KIAA1614: variants seen among roughly 807,000 people sequenced by gnomAD.
KIAA1614 encodes the protein uncharacterized protein KIAA1614.
Under a neutral mutation model 88.7 loss-of-function variants are expected in KIAA1614, and 76 were observed. The observed-to-expected ratio is 0.86, with a 90% CI of 0.71 to 1.04. The LOEUF (loss-of-function observed/expected upper bound fraction) is 1.04. KIAA1614 is among the 50% of genes least tolerant of loss of function. The pLI is 0.00. For missense variants in KIAA1614, 1,553 were observed against 1,582.5 expected (o/e 0.98, Z 0.32); for synonymous variants, 714 against 675.5 (o/e 1.06, Z -0.88).
Position 180,916,951 on chromosome 1 carries a change from C to T in KIAA1614, c.848C>T (p.Ala283Val). Reference sequence around the variant, plus strand: ...CGCTGGAGAGCTGGAGACCTGGAGGCTCTGGGCGCTGGGAGCAGTGTCTTG... The same window carrying T: ...CGCTGGAGAGCTGGAGACCTGGAGGTTCTGGGCGCTGGGAGCAGTGTCTTG... Reference protein sequence around the residue: ...GERWRAGDLEALGAGSSVLSL... With the variant: ...GERWRAGDLEVLGAGSSVLSL... The change falls in exon 2 of 9, where the codon GCT becomes GTT. Residue 283 changes from alanine (A) to valine (V), a missense_variant. Physicochemically the swap from Ala to Val is moderately conservative, Grantham distance 64. Coordinates refer to ENST00000367588, the MANE Select transcript of KIAA1614 (RefSeq NM_020950.2). The T allele has an allele frequency of 6.2e-7, 1 of 1,614,230 alleles. No individual in the cohort carries two copies. The highest frequency in any genetic ancestry group is 8.5e-7 in the Non-Finnish European group (1 of 1,180,048).
chr1:180,935,044 G>A lies in KIAA1614; in HGVS notation c.1206-71G>A, dbSNP rs187823876. The A allele has an allele frequency of 3.4e-5, 38 of 1,115,312 alleles. No individual in the cohort carries two copies. The African/African-American group carries it at 4.9e-4, about 14-fold the overall frequency. The allele number at this position is 1,115,312 out of a possible 1,614,324, so 69.1% of individuals were successfully genotyped here. A position where few individuals can be genotyped will look rare whatever the true frequency, so the allele number is the denominator to read the frequency against. On this transcript the variant is annotated intron_variant, in intron 4 of 8. Transcript: ENST00000367588. The surrounding 1 kb of genome is among the most constrained non-coding windows in gnomAD (Gnocchi z 6.1). ...GAGACTGTAGCCCAGGGTGGAGAGG[G>A]TAGGGCCGATGCGTGTCCATACCTC... is the stretch of plus-strand genomic sequence containing the variant.
chr1:180,923,026 A>C (rs542528778), intron 3 of KIAA1614, among the ~76,000 whole-genome samples: 2 of 152,284 alleles, frequency 1.3e-5, no homozygotes, highest in East Asian at 3.9e-4. Context: ...GCATTTACCC[A>C]TTTCTTATGA....
chr1:180,925,864 C>A (rs1328592615), intron 3 of KIAA1614, among the ~76,000 whole-genome samples: 1 of 139,428 alleles, frequency 7.2e-6, no homozygotes, highest in Non-Finnish European at 1.7e-5. Flanking sequence ...GGTGGGAACT[C>A]CCCCAAGGGG....
At chr1:180,926,329 G>T (rs1558066921) in intron 3 of KIAA1614, among the ~76,000 whole-genome samples, 1 of 152,152 alleles carries the variant, frequency 6.6e-6, no homozygotes, top group Non-Finnish European at 1.5e-5. Flanking sequence ...CGTTGACCTT[G>T]GCTGCAGTCT....
intron 6 of KIAA1614, 39 bp from the exon 7 acceptor site, chr1:180,941,006 G>GGGGGGGC: frequency 2.2e-6 from 2 of 908,444 alleles, no homozygotes; most frequent in Non-Finnish European, 3.1e-6. Flanking sequence ...CACCCTCCCG[G>GGGGGGGC]CCCTCCCCCG....
At chr1:180,920,756 T>A (rs968969614) in intron 3 of KIAA1614, among the ~76,000 whole-genome samples, 2 of 151,944 alleles carry the variant, frequency 1.3e-5, no homozygotes, top group African/African-American at 4.8e-5. Context: ...TGTGGGGCAG[T>A]CACCAGGAGT....
Position 180,949,460 on chromosome 1 carries a change from G to A in KIAA1614, c.*3872G>A, listed in dbSNP as rs1267531057. On this transcript the variant is annotated 3_prime_UTR_variant, in exon 9 of 9. Transcript: ENST00000367588. ...CAGCCGCGGTTGAGGCCGGCGGGCG[G>A]GGGTTGGGGGCAGGGGGCCTCCTCA... 1 of 152,394 alleles carries A rather than the reference G, an allele frequency of 6.6e-6. No individual in the cohort carries two copies. Among genetic ancestry groups the A allele is most frequent in the East Asian group, 1.9e-4 (1 of 5,202 alleles). 9.4% of individuals were successfully genotyped at this position (152,394 alleles called of 1,614,324 possible).
chr1:180,940,138 A>G (rs1654423678), intron 6 of KIAA1614, among the ~76,000 whole-genome samples: 1 of 152,168 alleles, frequency 6.6e-6, no homozygotes, highest in African/African-American at 2.4e-5. Flanking sequence ...GAGAGTAGGC[A>G]CCTTGTTTGT....
intron 2 of KIAA1614, 77 bp from the exon 3 acceptor site, chr1:180,917,774 C>T: frequency 1.7e-6 from 2 of 1,182,686 alleles, no homozygotes; most frequent in South Asian, 1.2e-5. Context: ...AACTCTTCTC[C>T]TCAGTGTTCA....
intron 8 of KIAA1614, 23 bp from the exon 9 acceptor site, chr1:180,945,280 C>G: frequency 6.4e-7 from 1 of 1,568,066 alleles, no homozygotes. Context: ...TTTGCCCTCA[C>G]TGTGTCTCTG....
intron 3 of KIAA1614, among the ~76,000 whole-genome samples, chr1:180,919,870 A>G (rs1558064703): frequency 6.6e-6 from 1 of 152,126 alleles, no homozygotes; most frequent in African/African-American, 2.4e-5. Context: ...TGCATTTCAG[A>G]GTTCAGGCAG....
intron 3 of KIAA1614, among the ~76,000 whole-genome samples, chr1:180,926,723 G>C (rs1388494162): frequency 2.0e-5 from 3 of 152,226 alleles, no homozygotes; most frequent in Non-Finnish European, 4.4e-5. Context: ...GGCTGCAGGG[G>C]CGCCTCTCCG....
Position 180,928,592 on chromosome 1 carries a change from A to C in KIAA1614, c.1205+19A>C. On this transcript the variant is annotated intron_variant, in intron 4 of 8. Transcript: ENST00000367588. ...GCAGCCGGTGAGTGGGACCTGGGCCAGGCTAGCCTGGGAGGGCCATAGCAG... is the reference window on the plus strand; with the variant it reads ...GCAGCCGGTGAGTGGGACCTGGGCCCGGCTAGCCTGGGAGGGCCATAGCAG... 2 of 1,607,358 alleles carry C rather than the reference A, an allele frequency of 1.2e-6. No homozygotes were observed. Among genetic ancestry groups the C allele is most frequent in the Non-Finnish European group, 1.7e-6 (2 of 1,176,314 alleles).
Position 180,916,587 on chromosome 1 carries a change from G to C in KIAA1614, c.484G>C (p.Ala162Pro), listed in dbSNP as rs369116547. The C allele has an allele frequency of 6.2e-7, 1 of 1,606,716 alleles. No individual in the cohort carries two copies. Among genetic ancestry groups the C allele is most frequent in the East Asian group, 2.2e-5 (1 of 44,770 alleles). The change falls in exon 2 of 9, where the codon GCC becomes CCC. Residue 162 changes from alanine to proline, a missense_variant. Physicochemically the swap from Ala to Pro is conservative, Grantham distance 27. Coordinates refer to ENST00000367588, the MANE Select transcript of KIAA1614 (RefSeq NM_020950.2). Reference sequence around the variant, plus strand: ...CGGCAGCATCAATGAGGAGCAACCCGCCAGGGATGGAGGCCCCAGGCTTCC... The same window carrying C: ...CGGCAGCATCAATGAGGAGCAACCCCCCAGGGATGGAGGCCCCAGGCTTCC... Reference protein sequence around the residue: ...LDGSINEEQPARDGGPRLPRP... With the variant: ...LDGSINEEQPPRDGGPRLPRP...
At position 180,945,903 on chromosome 1, in the gene KIAA1614, G is replaced by C. The variant is rs111967847; in HGVS notation, c.*315G>C. On this transcript the variant is annotated 3_prime_UTR_variant, in exon 9 of 9. Coordinates refer to ENST00000367588, the MANE Select transcript of KIAA1614 (RefSeq NM_020950.2). ...CTGGATCACCTGAGGTCAGGAGTTCGAGACCAGTCTGGCCCACATGGTGAA... is the reference window on the plus strand; with the variant it reads ...CTGGATCACCTGAGGTCAGGAGTTCCAGACCAGTCTGGCCCACATGGTGAA... The C allele has an allele frequency of 1.4e-6, 1 of 739,260 alleles. No individual in the cohort carries two copies. Among genetic ancestry groups the C allele is most frequent in the African/African-American group, 1.9e-5 (1 of 53,516 alleles). The allele number at this position is 739,260 out of a possible 1,614,324, so 45.8% of individuals were successfully genotyped here.
chr1:180,937,844 C>T (rs185779234), intron 5 of KIAA1614, among the ~76,000 whole-genome samples: 84 of 152,306 alleles, frequency 5.5e-4, no homozygotes, highest in African/African-American at 2.0e-3. Context: ...GGGCTCTAGG[C>T]AGGCTGTGGG....
chr1:180,944,555 G>T, intron 8 of KIAA1614, 39 bp downstream of exon 8: 1 of 1,602,504 alleles, frequency 6.2e-7, no homozygotes, highest in South Asian at 1.1e-5. Context: ...TAAACTCAGA[G>T]AGTGACCAGC....
Position 180,916,448 on chromosome 1 carries a change from A to C in KIAA1614, c.345A>C (p.Lys115Asn), listed in dbSNP as rs1282102089. 6.2e-7 allele frequency: 1 copy of C among 1,613,850 alleles called. No homozygotes were observed. Among genetic ancestry groups the C allele is most frequent in the East Asian group, 2.2e-5 (1 of 44,894 alleles). The change falls in exon 2 of 9, where the codon AAA becomes AAC. Residue 115 changes from lysine (K) to asparagine (N), a missense_variant. Transcript: ENST00000367588. ...SASQEWSSPK[K>N]PQCRRGKAGR... The stretch of plus-strand genomic sequence containing the variant: ...CCCAAGAGTGGTCATCCCCCAAGAA[A>C]CCCCAATGCAGACGAGGCAAGGCAG...
chr1:180,924,117 C>A (rs756351143), intron 3 of KIAA1614, among the ~76,000 whole-genome samples: 2 of 152,236 alleles, frequency 1.3e-5, no homozygotes, highest in Non-Finnish European at 2.9e-5. Flanking sequence ...CATGCTGCGT[C>A]ATTGCCATGC....
Sources: gnomAD v4.1 joint callset for allele counts (sites outside exome capture counted in the v4.1 genomes callset) on GRCh38, gnomAD v4.1.1 for gene constraint, Gnocchi (gnomAD v3.1) non-coding constraint, MANE v1.5 for transcripts, NCBI Gene and HGNC (gene_info 2026-07-23, HGNC 2026-07-21) for gene names.